Variants in DOCK5 observed in about 807,000 individuals in gnomAD.
DOCK5 encodes dedicator of cytokinesis 5.
DOCK5 carries 142 observed loss-of-function variants against 251.8 expected under a neutral mutation model. That is an observed-to-expected ratio of 0.56 (90% CI 0.49 to 0.65). The LOEUF is 0.65. DOCK5 is among the 30% of genes least tolerant of loss of function. The pLI is 0.00. For synonymous variants in DOCK5, 842 were observed against 835.5 expected, an observed-to-expected ratio of 1.01 and a Z score of -0.13; for missense variants, 2,111 against 2,312.3, an observed-to-expected ratio of 0.91 and a Z score of 1.79.
At chr8:25,376,351 G>A in intron 37 of DOCK5, 1 of 985,198 alleles carries the variant, frequency 1.0e-6, no homozygotes, top group Non-Finnish European at 1.2e-6. Flanking sequence ...TTCACATTTT[G>A]CTTATTGGTA....
intron 1 of DOCK5, among the ~76,000 whole-genome samples, chr8:25,189,929 C>G (rs1801531689): frequency 6.6e-6 from 1 of 152,308 alleles, no homozygotes; most frequent in African/African-American, 2.4e-5. Context: ...CTCTGTCGCC[C>G]AGGCTGGAGT....
intron 2 of DOCK5, among the ~76,000 whole-genome samples, chr8:25,264,553 C>G (rs1803685534): frequency 6.6e-6 from 1 of 151,776 alleles, no homozygotes; most frequent in Non-Finnish European, 1.5e-5. Context: ...CAGCCAGGCA[C>G]AGTGGCTCAC....
chr8:25,356,810 A>T (rs1800581141), intron 27 of DOCK5, among the ~76,000 whole-genome samples: 1 of 151,338 alleles, frequency 6.6e-6, no homozygotes. Flanking sequence ...TAAATAGATA[A>T]CTGATTTGAG....
At chr8:25,398,433 T>C (rs191397818) in intron 45 of DOCK5, among the ~76,000 whole-genome samples, 4 of 152,346 alleles carry the variant, frequency 2.6e-5, no homozygotes, top group Admixed American at 1.3e-4. Context: ...TTCTCTGTTG[T>C]ATTAGTTTGC....
Position 25,341,745 on chromosome 8 carries a change from G to A in DOCK5, c.2446G>A (p.Ala816Thr). ...LEEAVKIKGA[A>T]LKYLPSIIND... The stretch of plus-strand genomic sequence containing the variant: ...TTTGGTGTTTTTCTTACAGGGGGCA[G>A]CTTTGAAGTACCTTCCTAGCATAAT... The change falls in exon 24 of 52, where the codon GCT becomes ACT. Residue 816 changes from alanine (A) to threonine (T), a missense_variant. By Grantham distance (58) the Ala-to-Thr change is moderately conservative. Transcript: ENST00000276440. The A allele has an allele frequency of 6.3e-7, 1 of 1,577,238 alleles. No homozygotes were observed. Among genetic ancestry groups the A allele is most frequent in the Non-Finnish European group, 8.6e-7 (1 of 1,159,614 alleles).
chr8:25,390,378 A>T (rs901986002), intron 42 of DOCK5, 91 bp downstream of exon 42: 1 of 1,174,418 alleles, frequency 8.5e-7, no homozygotes, highest in Non-Finnish European at 1.2e-6. Flanking sequence ...AAGCTGAGGG[A>T]GGAGTATTGC....
chr8:25,331,230 GAC>G (rs60869427), intron 18 of DOCK5, among the ~76,000 whole-genome samples: 12,433 of 139,794 alleles, frequency 0.089, 582 homozygotes, highest in African/African-American at 0.14. Context: ...GTTTCTCTGT[GAC>G]ACACACACAC....
intron 2 of DOCK5, among the ~76,000 whole-genome samples, chr8:25,254,454 G>A (rs574391432): frequency 6.6e-6 from 1 of 152,186 alleles, no homozygotes; most frequent in East Asian, 1.9e-4. Flanking sequence ...GAGAAGTTAA[G>A]CCACAGTATG....
chr8:25,281,159 G>T (rs1165731519), intron 5 of DOCK5, among the ~76,000 whole-genome samples: 6 of 152,104 alleles, frequency 3.9e-5, no homozygotes, highest in Non-Finnish European at 8.8e-5. Flanking sequence ...AGGTGCAGTG[G>T]CTCGTGCCTG....
intron 22 of DOCK5, among the ~76,000 whole-genome samples, chr8:25,337,585 CTTTTTT>C (rs71549899): frequency 1.6e-5 from 2 of 128,644 alleles, no homozygotes; most frequent in African/African-American, 2.9e-5. Flanking sequence ...ATGATAGATT[CTTTTTT>C]TTTTTTTTTT....
intron 2 of DOCK5, among the ~76,000 whole-genome samples, chr8:25,256,600 C>A (rs1423752284): frequency 7.0e-6 from 1 of 143,242 alleles, no homozygotes; most frequent in African/African-American, 2.7e-5. Flanking sequence ...TATTGCACCA[C>A]TGCACTGCAG....
chr8:25,188,925 A>G (rs1390188607), intron 1 of DOCK5, among the ~76,000 whole-genome samples: 1 of 152,142 alleles, frequency 6.6e-6, no homozygotes, highest in Non-Finnish European at 1.5e-5. Flanking sequence ...TAGTCTGATT[A>G]TAAAAACATT....
Position 25,342,470 on chromosome 8 carries a change from G to A in DOCK5, c.2580G>A (p.Met860Ile). Residue 860 changes from methionine (M) to isoleucine (I), a missense_variant, in exon 25 of 52, where the codon ATG (methionine) becomes ATA (isoleucine). Around this residue, in one of 3 missense-constraint regions of DOCK5, gnomAD observed 1,717 missense variants for 1,892.4 expected, o/e 0.91. Coordinates refer to ENST00000276440, the MANE Select transcript of DOCK5 (RefSeq NM_024940.8). ...NQLVRQKLNC[M>I]TKIVESTLFR... is the part of the protein sequence containing the mutation. ...TGGTTCGGCAGAAACTTAACTGCAT[G>A]ACCAAGATAGTAGAGAGCACTCTTT... is the stretch of plus-strand genomic sequence containing the variant. 1 of 1,598,896 alleles carries A rather than the reference G, an allele frequency of 6.3e-7. No homozygotes were observed. The highest frequency in any genetic ancestry group is 8.5e-7 in the Non-Finnish European group (1 of 1,171,672).
In DOCK5 at chr8:25,411,527, C is replaced by T; in HGVS notation, c.*229C>T. On this transcript the variant is annotated 3_prime_UTR_variant, in exon 52 of 52. Coordinates refer to ENST00000276440, the MANE Select transcript of DOCK5 (RefSeq NM_024940.8). ...CCACATGGAATTCCAGAATCAGTCACAGCCTCTGATTTTTTCCAAGAAGAG... is the reference window on the plus strand; with the variant it reads ...CCACATGGAATTCCAGAATCAGTCATAGCCTCTGATTTTTTCCAAGAAGAG... 6.2e-6 allele frequency: 3 copies of T among 483,518 alleles called. No homozygotes were observed. The highest frequency in any genetic ancestry group is 1.0e-5 in the Non-Finnish European group (3 of 300,728). The allele number at this position is 483,518 out of a possible 1,614,324, so 30.0% of individuals were successfully genotyped here.
At chr8:25,366,384 G>A (rs112633350) in intron 30 of DOCK5, among the ~76,000 whole-genome samples, 6 of 152,068 alleles carry the variant, frequency 3.9e-5, no homozygotes, top group African/African-American at 1.4e-4. Context: ...CCAGATACTC[G>A]TCAGGATAAG....
chr8:25,185,975 T>C (rs1406529882), intron 1 of DOCK5, among the ~76,000 whole-genome samples: 3 of 152,190 alleles, frequency 2.0e-5, no homozygotes, highest in African/African-American at 7.2e-5. Context: ...ATTTTATCAC[T>C]TCCTCTCAGA....
intron 29 of DOCK5, among the ~76,000 whole-genome samples, chr8:25,363,735 C>T (rs1017617001): frequency 6.6e-6 from 1 of 152,238 alleles, no homozygotes; most frequent in South Asian, 2.1e-4. Flanking sequence ...TACCTGTACT[C>T]CAACCAAACT....
At chr8:25,341,876 C>G (rs767337510) in intron 24 of DOCK5, 67 bp downstream of exon 24, 33 of 1,294,768 alleles carry the variant, frequency 2.5e-5, no homozygotes, top group Admixed American at 4.4e-5. Flanking sequence ...TGGCTGGAGC[C>G]TGGGCTGCTA....
At position 25,410,159 on chromosome 8, in the gene DOCK5, C is replaced by G. The variant is rs193082074; in HGVS notation, c.5465C>G (p.Pro1822Arg). 57 of 1,613,684 alleles carry G rather than the reference C, an allele frequency of 3.5e-5. No individual in the cohort carries two copies. Among genetic ancestry groups the G allele is most frequent in the South Asian group, 1.2e-4 (11 of 91,044 alleles). The part of the protein sequence containing the change: ...AATPVPPPPP[P>R]KSKPYEGSQR... The stretch of plus-strand genomic sequence containing the variant: ...ACTCCTGTCCCACCTCCACCTCCCC[C>G]CAAAAGCAAGCCCTATGAAGGCAGC... Residue 1822 changes from proline (P) to arginine (R), a missense_variant, in exon 51 of 52, where the codon CCC (proline) becomes CGC (arginine). Transcript: ENST00000276440.
Sources: allele counts gnomAD v4.1 joint callset (sites outside exome capture counted in the v4.1 genomes callset), GRCh38; gene constraint gnomAD v4.1.1; regional missense constraint gnomAD v4.1.1; transcripts MANE v1.5; gene names NCBI Gene and HGNC (gene_info 2026-07-23, HGNC 2026-07-21).